Variants in PP2D1 observed in about 807,000 individuals in gnomAD.
The protein encoded by PP2D1 is protein phosphatase 2C-like domain-containing protein 1.
Under a neutral mutation model 30.2 loss-of-function variants are expected in PP2D1, and 25 were observed. That is an observed-to-expected ratio of 0.83 (90% CI 0.60 to 1.16). The LOEUF is 1.16. PP2D1 is among the 50% of genes most tolerant of loss of function. The pLI is 0.00. For synonymous variants in PP2D1, 260 were observed against 258.9 expected (o/e 1.00, Z -0.04); for missense variants, 760 against 742.4 (o/e 1.02, Z -0.28).
downstream of PP2D1, chr3:19,983,802 G>A (rs753731517): frequency 6.8e-6 from 11 of 1,607,410 alleles, no homozygotes; most frequent in Non-Finnish European, 9.4e-6. Context: ...AACCAACCAG[G>A]AATCAGTGTT....
chr3:19,984,351 C>A, downstream of PP2D1: 1 of 386,836 alleles, frequency 2.6e-6, no homozygotes, highest in Non-Finnish European at 5.0e-6. Flanking sequence ...AGAAAATAAT[C>A]CCACATATAC....
At chr3:20,006,210 C>A (rs1295516416) in intron 1 of PP2D1, among the ~76,000 whole-genome samples, 1 of 151,580 alleles carries the variant, frequency 6.6e-6, no homozygotes. Context: ...CAAGCCACTG[C>A]ACTCCAGCCT....
intron 1 of PP2D1, among the ~76,000 whole-genome samples, chr3:20,002,570 T>C (rs141067313): frequency 2.2e-4 from 34 of 152,354 alleles, no homozygotes; most frequent in South Asian, 4.1e-4. Flanking sequence ...ATGTCACTTA[T>C]GTTTTTGTGA....
intron 1 of PP2D1, among the ~76,000 whole-genome samples, chr3:20,009,012 T>G (rs1697355586): frequency 6.6e-6 from 1 of 152,224 alleles, no homozygotes; most frequent in South Asian, 2.1e-4. Context: ...GGGAGAAATG[T>G]GTTCTATGTA....
chr3:19,983,091 C>G (rs1262763911), downstream of PP2D1, among the ~76,000 whole-genome samples: 2 of 152,014 alleles, frequency 1.3e-5, no homozygotes, highest in Non-Finnish European at 2.9e-5. Context: ...AATCCCAACA[C>G]TTTGGGAGGC....
In PP2D1 at chr3:19,985,374, A is replaced by T. The variant is rs529782435; in HGVS notation, c.*6T>A. 78 of 1,513,380 alleles carry T rather than the reference A, an allele frequency of 5.2e-5. 1 individual carries two copies. The African/African-American group carries it at 6.9e-4, about 13-fold the overall frequency. The allele number at this position is 1,513,380 out of a possible 1,614,324, so 93.7% of individuals were successfully genotyped here. A position where few individuals can be genotyped will look rare whatever the true frequency, so the allele number is the denominator to read the frequency against. On this transcript the variant is annotated 3_prime_UTR_variant, in exon 3 of 3. Coordinates refer to ENST00000389050, the MANE Select transcript of PP2D1 (RefSeq NM_001252657.2). ...TGGTGCTCTGGATAATTGGAACTTT[A>T]TTTTTTTATGTCAGAAGCTGATATT...
chr3:20,008,046 T>C (rs1278401510), intron 1 of PP2D1: 1 of 170,638 alleles, frequency 5.9e-6, no homozygotes, highest in African/African-American at 2.4e-5. Context: ...GATAGACTTA[T>C]TTTACTAAGC....
At chr3:19,994,081 A>G (rs1697149171) in intron 2 of PP2D1, among the ~76,000 whole-genome samples, 1 of 152,054 alleles carries the variant, frequency 6.6e-6, no homozygotes, top group African/African-American at 2.4e-5. Context: ...AACAGGAGAC[A>G]AAACCTAGGG....
chr3:19,983,664 T>C, downstream of PP2D1: 1 of 1,262,868 alleles, frequency 7.9e-7, no homozygotes, highest in Non-Finnish European at 1.1e-6. Flanking sequence ...CTGATATTAA[T>C]ATGAGTATTC....
At chr3:19,980,680 A>G (rs1422585710), downstream of PP2D1, among the ~76,000 whole-genome samples, 1 of 152,178 alleles carries the variant, frequency 6.6e-6, no homozygotes, top group Non-Finnish European at 1.5e-5. Flanking sequence ...ATTATATACA[A>G]TATATAGTGC....
chr3:19,982,845 A>G (rs1260388556), downstream of PP2D1, among the ~76,000 whole-genome samples: 2 of 152,098 alleles, frequency 1.3e-5, no homozygotes, highest in African/African-American at 4.8e-5. Context: ...AGTAGATATG[A>G]TCTATCACAA....
At chr3:20,011,975 G>A in intron 1 of PP2D1, 75 bp downstream of exon 1, 1 of 1,185,472 alleles carries the variant, frequency 8.4e-7, no homozygotes, top group Non-Finnish European at 1.2e-6. Flanking sequence ...TTAAGAAAGT[G>A]GAAGAAAAAA....
downstream of PP2D1, among the ~76,000 whole-genome samples, chr3:19,982,235 C>T (rs1475746474): frequency 1.3e-5 from 2 of 152,146 alleles, no homozygotes; most frequent in African/African-American, 4.8e-5. Flanking sequence ...GAGACCTTGT[C>T]TCCAAAATGA....
chr3:19,983,693 A>G (rs756845475), downstream of PP2D1: 2 of 1,501,064 alleles, frequency 1.3e-6, no homozygotes, highest in Admixed American at 3.4e-5. Flanking sequence ...TATTTATTTG[A>G]TCATTTTCTT....
intron 1 of PP2D1, among the ~76,000 whole-genome samples, chr3:20,002,708 T>A (rs531576069): frequency 6.8e-4 from 104 of 152,200 alleles, no homozygotes; most frequent in Admixed American, 1.5e-3. Flanking sequence ...TCACTTGAGG[T>A]CAGGAGTTCA....
At chr3:20,008,962 TAAA>T (rs1045050214) in intron 1 of PP2D1, among the ~76,000 whole-genome samples, 1 of 152,086 alleles carries the variant, frequency 6.6e-6, no homozygotes, top group African/African-American at 2.4e-5. Flanking sequence ...CTATGCCAAA[TAAA>T]AATACATTAC....
At chr3:19,987,362 T>C (rs1697052915) in intron 2 of PP2D1, among the ~76,000 whole-genome samples, 1 of 152,196 alleles carries the variant, frequency 6.6e-6, no homozygotes, top group African/African-American at 2.4e-5. Context: ...TTTTTTAAAT[T>C]ACATATAATT....
At position 20,001,044 on chromosome 3, in the gene PP2D1, T is replaced by TG; in HGVS notation, c.1075dup (p.His359ProfsTer7). 7.2e-7 allele frequency: 1 copy of TG among 1,396,632 alleles called. No individual in the cohort carries two copies. The highest frequency in any genetic ancestry group is 2.5e-5 in the East Asian group (1 of 39,784). 86.5% of individuals were successfully genotyped at this position (1,396,632 alleles called of 1,614,324 possible). A position where few individuals can be genotyped will look rare whatever the true frequency, so the allele number is the denominator to read the frequency against. The stretch of plus-strand genomic sequence containing the variant: ...AATGTACATACCAGTGTTTGCAACA[T>TG]GTAATATTCCAGAAATTATTTTTGG... On this transcript the variant is annotated frameshift_variant, in exon 2 of 3. Transcript: ENST00000389050. LOFTEE classifies it low-confidence loss of function (END_TRUNC).
intron 2 of PP2D1, among the ~76,000 whole-genome samples, chr3:19,991,932 A>G (rs1313281403): frequency 6.6e-6 from 1 of 152,202 alleles, no homozygotes; most frequent in Non-Finnish European, 1.5e-5. Context: ...CTTAGGGAAA[A>G]TTGAAATAGT....
Sources: gnomAD v4.1 joint callset for allele counts (sites outside exome capture counted in the v4.1 genomes callset) on GRCh38, gnomAD v4.1.1 for gene constraint, MANE v1.5 for transcripts, NCBI Gene and HGNC (gene_info 2026-07-23, HGNC 2026-07-21) for gene names.